The following MDN1 variants were observed in gnomAD, a reference collection of about 807,000 sequenced individuals.
The protein encoded by MDN1 is midasin AAA ATPase 1.
MDN1 carries 266 observed loss-of-function variants against 669.2 expected under a neutral mutation model. That is an observed-to-expected ratio of 0.40 (90% confidence interval 0.36 to 0.44). The LOEUF (loss-of-function observed/expected upper bound fraction) is 0.44. Ranked by LOEUF, MDN1 falls within the 20% of genes least tolerant of loss-of-function variation. The pLI, the probability that MDN1 is intolerant of heterozygous loss-of-function variation, is 1.00. For synonymous variants in MDN1, 2,385 were observed against 2,457.1 expected, an observed-to-expected ratio of 0.97 and a Z score of 0.87; for missense variants, 5,940 against 6,754.0, an observed-to-expected ratio of 0.88 and a Z score of 4.22.
At chr6:89,733,527 G>A (rs563909957) in intron 33 of MDN1, among the ~76,000 whole-genome samples, 35 of 151,648 alleles carry the variant, frequency 2.3e-4, no homozygotes, top group Non-Finnish European at 4.6e-4. Context: ...AGGAAGCACT[G>A]CTATAATATA....
At chr6:89,751,734 G>A in intron 22 of MDN1, 152 bp from the exon 23 acceptor site, 1 of 875,166 alleles carries the variant, frequency 1.1e-6, no homozygotes, top group East Asian at 2.7e-5. Flanking sequence ...ATAAAATTAT[G>A]AGGAATGAGA....
At chr6:89,724,396 C>T (rs1427682504) in intron 38 of MDN1, among the ~76,000 whole-genome samples, 2 of 151,678 alleles carry the variant, frequency 1.3e-5, no homozygotes, top group East Asian at 2.0e-4. Context: ...GATTCTGCTG[C>T]CTCAGCCTCC....
intron 83 of MDN1, among the ~76,000 whole-genome samples, chr6:89,670,198 A>T (rs1810645260): frequency 3.2e-5 from 2 of 62,450 alleles, no homozygotes; most frequent in Non-Finnish European, 5.4e-5. Flanking sequence ...TTTGAGATGC[A>T]GTTTTGCTCT....
intron 57 of MDN1, 30 bp downstream of exon 57, chr6:89,700,033 G>C (rs752518337): frequency 6.3e-7 from 1 of 1,596,592 alleles, no homozygotes; most frequent in African/African-American, 1.3e-5. Flanking sequence ...AAAAGTTCCC[G>C]CAAGGAAAAC....
Position 89,753,572 on chromosome 6 carries a change from T to A in MDN1, c.3015A>T (p.Ile1005=). 1 of 1,614,026 alleles carries A rather than the reference T, an allele frequency of 6.2e-7. No homozygotes were observed. Among genetic ancestry groups the A allele is most frequent in the Non-Finnish European group, 8.5e-7 (1 of 1,179,854 alleles). Residue 1005 remains isoleucine (I), a synonymous_variant, in exon 22 of 102, where the codon ATA becomes ATT. Coordinates refer to ENST00000369393, the MANE Select transcript of MDN1 (RefSeq NM_014611.3). ...LTQLDRASHP[I]VQKLICQHIV... Reference sequence around the variant, plus strand: ...TGTGTTGACAGATGAGCTTCTGAACTATTGGGTGTGATGCCCTGTCAAGCT... The same window carrying A: ...TGTGTTGACAGATGAGCTTCTGAACAATTGGGTGTGATGCCCTGTCAAGCT...
At position 89,706,119 on chromosome 6, in the gene MDN1, T is replaced by C. The variant is rs752414056; in HGVS notation, c.8088A>G (p.Ala2696=). ...NLAAFFELCD[A]LVLLWVQSSQ... is the part of the protein sequence containing the mutation. ...AGGACTGTACCCAGAGCAGGACTAGTGCATCACAAAGTTCAAAAAAAGCAG... is the reference window on the plus strand; with the variant it reads ...AGGACTGTACCCAGAGCAGGACTAGCGCATCACAAAGTTCAAAAAAAGCAG... The change falls in exon 53 of 102, where the codon GCA becomes GCG. Residue 2696 remains alanine (A), a synonymous_variant. Transcript: ENST00000369393. 6.2e-6 allele frequency: 10 copies of C among 1,613,536 alleles called. No individual in the cohort carries two copies. In the East Asian group the frequency reaches 1.6e-4, roughly 25 times the overall value.
At position 89,756,303 on chromosome 6, in the gene MDN1, G is replaced by A. The variant is rs1817241635; in HGVS notation, c.2790C>T (p.Asn930=). 1.9e-6 allele frequency: 3 copies of A among 1,590,594 alleles called. No individual in the cohort carries two copies. The highest frequency in any genetic ancestry group is 2.3e-5 in the East Asian group (1 of 44,384). The change falls in exon 20 of 102, where the codon AAC becomes AAT. Residue 930 remains asparagine, a synonymous_variant. Coordinates refer to ENST00000369393, the MANE Select transcript of MDN1 (RefSeq NM_014611.3). ...TTATGATTCCTTGCACTGTATTCTTGTTCACACTCAATCCTTTCAGATAAT... is the reference window on the plus strand; with the variant it reads ...TTATGATTCCTTGCACTGTATTCTTATTCACACTCAATCCTTTCAGATAAT... ...IVDYLKGLSV[N]KNTVQGIINF...
Position 89,707,312 on chromosome 6 carries a change from T to C in MDN1, c.8014+49A>G, listed in dbSNP as rs1457583040. 4.5e-6 allele frequency: 6 copies of C among 1,323,690 alleles called. No individual in the cohort carries two copies. The East Asian group carries it at 6.9e-5, about 15-fold the overall frequency. 82.0% of individuals were successfully genotyped at this position (1,323,690 alleles called of 1,614,324 possible). ...ATATGCCTCTCAACTTTAGCAACAT[T>C]ATGCAATCAGATGCTTAATTAGAGA... On this transcript the variant is annotated intron_variant, in intron 52 of 101. Transcript: ENST00000369393.
chr6:89,809,784 TAAATA>T (rs58439361), intron 1 of MDN1, among the ~76,000 whole-genome samples: 5,477 of 112,500 alleles, frequency 0.049, 158 homozygotes, highest in Non-Finnish European at 0.057. Context: ...TCAAAATAAA[TAAATA>T]AAATAAAATA....
In MDN1 at chr6:89,819,513, G is replaced by A; in HGVS notation, c.95C>T (p.Ala32Val). ...TCTCCCTTCACGTCTTACCTGCTTG[G>A]CCAAGAACCTGCCCAACTCACTGCG... ...KSRSELGRFL[A>V]KQVWTPQDRQ... Residue 32 changes from alanine (A) to valine (V), a missense_variant, in exon 1 of 102, where the codon GCC (alanine) becomes GTC (valine). Physicochemically the swap from Ala to Val is moderately conservative, Grantham distance 64 (BLOSUM62 0). Around this residue, in one of 5 missense-constraint regions of MDN1, gnomAD observed 1,203 missense variants for 1,268.9 expected, o/e 0.95. Transcript: ENST00000369393. The A allele has an allele frequency of 6.2e-7, 1 of 1,605,914 alleles. No individual in the cohort carries two copies.
At chr6:89,792,863 C>T (rs1052685404) in intron 5 of MDN1, among the ~76,000 whole-genome samples, 1 of 151,726 alleles carries the variant, frequency 6.6e-6, no homozygotes, top group African/African-American at 2.4e-5. Context: ...ACTAAAAATA[C>T]AAAAAATTAG....
Position 89,749,276 on chromosome 6 carries a change from T to C in MDN1, c.3709A>G (p.Ser1237Gly), listed in dbSNP as rs751530129. ...ELETILHKRC[S>G]LPPSYCSKLV... ...TTGCTGCAATAGGAGGGTGGCAAAC[T>C]ACACCGCTTGTGCAAGATTGTTTCC... The change falls in exon 26 of 102, where the codon AGT (serine) becomes GGT (glycine). Residue 1237 changes from serine (S) to glycine (G), a missense_variant. Ser to Gly is a moderately conservative substitution (Grantham distance 56). Transcript: ENST00000369393. The C allele has an allele frequency of 6.2e-7, 1 of 1,614,106 alleles. No homozygotes were observed. Among genetic ancestry groups the C allele is most frequent in the South Asian group, 1.1e-5 (1 of 91,072 alleles).
chr6:89,706,099 T>C lies in MDN1; in HGVS notation c.8108A>G (p.Gln2703Arg). The C allele has an allele frequency of 1.2e-6, 2 of 1,611,980 alleles. No individual in the cohort carries two copies. The highest frequency in any genetic ancestry group is 1.7e-6 in the Non-Finnish European group (2 of 1,178,566). ...ATCAGACACCATTCCCTGGGAGGAC[T>C]GTACCCAGAGCAGGACTAGTGCATC... Reference protein sequence around the residue: ...LCDALVLLWVQSSQGMVSDAS... With the variant: ...LCDALVLLWVRSSQGMVSDAS... The change falls in exon 53 of 102, where the codon CAG (glutamine) becomes CGG (arginine). Residue 2703 changes from glutamine to arginine, a missense_variant. Physicochemically the swap from Gln to Arg is conservative, Grantham distance 43. Transcript: ENST00000369393.
intron 62 of MDN1, among the ~76,000 whole-genome samples, chr6:89,693,402 A>T (rs1426980266): frequency 6.6e-6 from 1 of 152,184 alleles, no homozygotes; most frequent in Admixed American, 6.5e-5. Context: ...GACTCACTGG[A>T]GTAGATAACT....
rs560719164 is a variant in MDN1, at chr6:89,781,604, G to T, written c.1450-12C>A. The stretch of plus-strand genomic sequence containing the variant: ...CTGCTCTGAAGAACCTGACAGAGGG[G>T]GAAAAAAAAGAAAATTTAACAGCCA... On this transcript the variant is annotated splice_polypyrimidine_tract_variant and intron_variant, in intron 9 of 101. Coordinates refer to ENST00000369393, the MANE Select transcript of MDN1 (RefSeq NM_014611.3). 3.3e-5 allele frequency: 51 copies of T among 1,534,176 alleles called. No homozygotes were observed. Among genetic ancestry groups the T allele is most frequent in the Non-Finnish European group, 4.4e-5 (50 of 1,139,988 alleles).
chr6:89,731,787 T>A (rs1584282680), intron 34 of MDN1, among the ~76,000 whole-genome samples: 1 of 137,554 alleles, frequency 7.3e-6, no homozygotes, highest in Non-Finnish European at 1.5e-5. Context: ...TATTCTTTAA[T>A]TCATAGTACC....
Position 89,803,900 on chromosome 6 carries a change from T to C in MDN1, c.103-346A>G, listed in dbSNP as rs1372271495. On this transcript the variant is annotated intron_variant, in intron 1 of 101. Coordinates refer to ENST00000369393, the MANE Select transcript of MDN1 (RefSeq NM_014611.3). ...CCGGCCTTTTCTTTTCTTTTCTTTTTTTTTTTTTTTTTTTTTTTGGAGACA... is the reference window on the plus strand; with the variant it reads ...CCGGCCTTTTCTTTTCTTTTCTTTTCTTTTTTTTTTTTTTTTTTGGAGACA... 4.1e-4 allele frequency among the ~76,000 whole-genome samples: 37 copies of C among 91,136 alleles called. 1 individual carries two copies. Among genetic ancestry groups the C allele is most frequent in the East Asian group, 3.6e-3 (11 of 3,030 alleles). 59.8% of individuals were successfully genotyped at this position (91,136 alleles called of 152,430 possible). A position where few individuals can be genotyped will look rare whatever the true frequency, so the allele number is the denominator to read the frequency against.
intron 20 of MDN1, among the ~76,000 whole-genome samples, chr6:89,755,519 A>T (rs6918308): frequency 0.52 from 79,371 of 151,920 alleles, 21,131 homozygotes; most frequent in East Asian, 0.68. Context: ...AAGAACCAGG[A>T]TTTTTGTCTG....
chr6:89,790,009 G>A (rs974026266), intron 6 of MDN1, 98 bp from the exon 7 acceptor site: 86 of 1,581,242 alleles, frequency 5.4e-5, no homozygotes, highest in Non-Finnish European at 5.9e-5. Flanking sequence ...GTAGGTGTAA[G>A]TAAGTAGGCA....
Sources: gnomAD v4.1 joint callset for allele counts (sites outside exome capture counted in the v4.1 genomes callset) on GRCh38, gnomAD v4.1.1 for gene constraint, gnomAD v4.1.1 regional missense constraint, MANE v1.5 for transcripts, NCBI Gene and HGNC (gene_info 2026-07-23, HGNC 2026-07-21) for gene names.